XIST: variants seen among roughly 807,000 people sequenced by gnomAD.
XIST encodes X inactive specific transcript.
exon 1 of XIST, chrX:73,847,196 CAA>C (rs1263840161): frequency 1.8e-6 from 1 of 556,910 alleles, no homozygotes; most frequent in African/African-American, 2.2e-5. Flanking sequence ...ATTAACAGTC[CAA>C]GAGAGTGAAT....
chrX:73,839,752 G>A (rs762609244), intron 1 of XIST, among the ~76,000 whole-genome samples: 1 of 109,147 alleles, frequency 9.2e-6, no homozygotes, highest in East Asian at 2.9e-4. Flanking sequence ...TCTTAAGGGT[G>A]GAAATTATTT....
exon 6 of XIST, chrX:73,827,040 T>G (rs752286151): frequency 1.8e-6 from 1 of 556,861 alleles, no homozygotes; most frequent in African/African-American, 2.2e-5. Context: ...GAACATGGGC[T>G]TTCCATCTTA....
intron 3 of XIST, chrX:73,831,417 G>A: frequency 2.7e-6 from 1 of 373,051 alleles, no homozygotes; most frequent in Non-Finnish European, 4.6e-6. Flanking sequence ...GTTGTGCGGA[G>A]CTGTTATATT....
exon 1 of XIST, chrX:73,850,338 TCAAAA>T: frequency 5.5e-6 from 3 of 542,596 alleles, no homozygotes; most frequent in South Asian, 2.4e-5. Flanking sequence ...TTTAAGGAAC[TCAAAA>T]CAAAAACTCA....
chrX:73,824,543 A>G (rs1185854256), exon 6 of XIST: 5 of 552,850 alleles, frequency 9.0e-6, no homozygotes, highest in Non-Finnish European at 1.6e-5. Context: ...AGGTATTTAA[A>G]CCCTTGGTTT....
exon 6 of XIST, chrX:73,827,000 G>A (rs1172362989): frequency 3.6e-6 from 2 of 558,619 alleles, no homozygotes; most frequent in African/African-American, 4.4e-5. Context: ...GCTTTTGTTG[G>A]TTTCAGGCCT....
In XIST at chrX:73,846,140, T is replaced by A. The variant is rs770689350; in HGVS notation, n.6584A>T. ...TGGCAGGGGAGGCTTCCATGTCTAATACACAGGAACCGGGACAAACATAAT... is the reference window on the plus strand; with the variant it reads ...TGGCAGGGGAGGCTTCCATGTCTAAAACACAGGAACCGGGACAAACATAAT... On this transcript the variant is annotated non_coding_transcript_exon_variant, in exon 1 of 6. Transcript: ENST00000429829. 1.4e-5 allele frequency: 8 copies of A among 553,314 alleles called. No individual in the cohort carries two copies. The East Asian group carries it at 2.6e-4, about 18-fold the overall frequency. The allele number at this position is 553,314 out of a possible 1,213,427, so 45.6% of individuals were successfully genotyped here. A position where few individuals can be genotyped will look rare whatever the true frequency, so the allele number is the denominator to read the frequency against.
At chrX:73,849,719 C>T (rs1325328508) in exon 1 of XIST, 1 of 556,628 alleles carries the variant, frequency 1.8e-6, no homozygotes. Flanking sequence ...CAAGGGTAAA[C>T]GGAATATCCC....
At chrX:73,832,332 A>G (rs1922403459) in intron 3 of XIST, among the ~76,000 whole-genome samples, 1 of 108,077 alleles carries the variant, frequency 9.3e-6, no homozygotes, top group Admixed American at 9.8e-5. Context: ...GAAACTGCGA[A>G]AAAAAAAAAA....
At chrX:73,830,681 AT>A (rs773070828) in intron 4 of XIST, among the ~76,000 whole-genome samples, 1 of 112,345 alleles carries the variant, frequency 8.9e-6, no homozygotes, top group East Asian at 2.8e-4. Flanking sequence ...TATGTAAATG[AT>A]TGGCAAAGTT....
chrX:73,842,803 G>A (rs918121654), exon 1 of XIST: 1 of 558,540 alleles, frequency 1.8e-6, no homozygotes. Context: ...GAGGCAAAAG[G>A]GGCAGGGCAG....
chrX:73,825,212 C>T lies in XIST; in HGVS notation n.14689G>A, dbSNP rs780862000. ...TTTAAAAGCAGTTTCCATGTGTTTT[C>T]GTTTCTGATACCTGGAATACTGCAT... On this transcript the variant is annotated non_coding_transcript_exon_variant, in exon 6 of 6. Transcript: ENST00000429829. 124 of 556,607 alleles carry T rather than the reference C, an allele frequency of 2.2e-4. No individual in the cohort carries two copies. The African/African-American group carries it at 2.4e-3, about 11-fold the overall frequency. The allele number at this position is 556,607 out of a possible 1,213,427, so 45.9% of individuals were successfully genotyped here.
At chrX:73,826,604 TAAG>T (rs1193511586) in exon 6 of XIST, 1 of 558,606 alleles carries the variant, frequency 1.8e-6, no homozygotes. Context: ...TATCTAAGAG[TAAG>T]AAGTGTAAAC....
exon 6 of XIST, chrX:73,827,046 T>C (rs183256903): frequency 7.2e-6 from 4 of 556,759 alleles, no homozygotes; most frequent in Non-Finnish European, 1.3e-5. Context: ...GGGCTTTCCA[T>C]CTTAGTCCTC....
exon 6 of XIST, chrX:73,824,188 A>AT (rs1477748471): frequency 1.9e-6 from 1 of 514,168 alleles, no homozygotes; most frequent in African/African-American, 2.3e-5. Flanking sequence ...TTATCTTTGC[A>AT]TCCCCAATGC....
At chrX:73,841,550 G>T (rs1922587811) in exon 1 of XIST, 1 of 556,642 alleles carries the variant, frequency 1.8e-6, no homozygotes, top group African/African-American at 2.2e-5. Flanking sequence ...TGCTTGAGCA[G>T]TTCCATATTA....
exon 6 of XIST, chrX:73,827,271 GC>G (rs756742477): frequency 3.6e-6 from 2 of 556,193 alleles, no homozygotes; most frequent in Non-Finnish European, 6.5e-6. Flanking sequence ...GGGTTAGGAA[GC>G]CCCTCTGCCA....
exon 1 of XIST, chrX:73,852,437 A>C (rs1015599589): frequency 1.1e-5 from 6 of 547,517 alleles, no homozygotes; most frequent in Non-Finnish European, 2.0e-5. Flanking sequence ...AAAAACAGAG[A>C]TGTCAACCAA....
At chrX:73,830,210 G>T (rs1569511839) in intron 4 of XIST, among the ~76,000 whole-genome samples, 1 of 111,659 alleles carries the variant, frequency 9.0e-6, no homozygotes, top group African/African-American at 3.3e-5. Flanking sequence ...AAGATTATGA[G>T]TACAATAGAT....
Sources: gnomAD v4.1 joint callset for allele counts (sites outside exome capture counted in the v4.1 genomes callset) on GRCh38, gnomAD v4.1.1 for gene constraint, MANE v1.5 for transcripts, NCBI Gene and HGNC (gene_info 2026-07-23, HGNC 2026-07-21) for gene names.